Variants in BRWD1 observed in about 807,000 individuals in gnomAD.
The protein encoded by BRWD1 is bromodomain and WD repeat domain containing 1, also known as bromodomain and WD repeat-containing protein 1.
A neutral mutation model predicts 251.2 loss-of-function variants in BRWD1; 82 were observed. The observed-to-expected ratio is 0.33, with a 90% CI of 0.27 to 0.39. BRWD1 has a LOEUF of 0.39. Ranked by LOEUF, BRWD1 falls within the 10% of genes least tolerant of loss-of-function variation. The probability of loss-of-function intolerance (pLI) is 1.00; values close to 1 mark genes in which losing one functional copy is unlikely to be tolerated. For synonymous variants in BRWD1, 918 were observed against 902.8 expected, an observed-to-expected ratio of 1.02 and a Z score of -0.30; for missense variants, 2,233 against 2,711.6, an observed-to-expected ratio of 0.82 and a Z score of 3.92.
chr21:39,201,410 A>G (rs1000426653), intron 38 of BRWD1, among the ~76,000 whole-genome samples: 1 of 152,144 alleles, frequency 6.6e-6, no homozygotes, highest in African/African-American at 2.4e-5. Flanking sequence ...TCAATAAGGA[A>G]CCCAGTTCAG....
rs534642188 is a variant in BRWD1, at chr21:39,313,568, G to A, written c.-77C>T. On this transcript the variant is annotated 5_prime_UTR_variant, in exon 1 of 41. Transcript: ENST00000342449. ...GCCGCGCCGAGGCCTGACCGGGCTG[G>A]CGTCCCCTCTTCTCAGGCGCGCGCC... is the stretch of plus-strand genomic sequence containing the variant. 145 of 1,209,764 alleles carry A rather than the reference G, an allele frequency of 1.2e-4. 3 individuals are homozygous for A. The South Asian group carries it at 3.9e-3, about 32-fold the overall frequency. The allele number at this position is 1,209,764 out of a possible 1,614,324, so 74.9% of individuals were successfully genotyped here. A position where few individuals can be genotyped will look rare whatever the true frequency, so the allele number is the denominator to read the frequency against.
At chr21:39,311,665 G>A (rs1170933704) in intron 4 of BRWD1, among the ~76,000 whole-genome samples, 1 of 152,172 alleles carries the variant, frequency 6.6e-6, no homozygotes, top group African/African-American at 2.4e-5. Flanking sequence ...ATCTCAAAAT[G>A]TCAAACTCAA....
chr21:39,298,965 T>C (rs1479982889), intron 4 of BRWD1, among the ~76,000 whole-genome samples: 2 of 152,346 alleles, frequency 1.3e-5, no homozygotes, highest in African/African-American at 4.8e-5. Context: ...GACTCACACC[T>C]GTAATCTCAG....
intron 4 of BRWD1, among the ~76,000 whole-genome samples, chr21:39,300,729 A>C (rs1165067826): frequency 6.6e-6 from 1 of 152,200 alleles, no homozygotes; most frequent in Non-Finnish European, 1.5e-5. Context: ...TATATGACCC[A>C]TGGTCAAGAG....
At chr21:39,205,583 G>A (rs1342841785) in intron 37 of BRWD1, among the ~76,000 whole-genome samples, 1 of 151,640 alleles carries the variant, frequency 6.6e-6, no homozygotes, top group Non-Finnish European at 1.5e-5. Flanking sequence ...ACCAGCCTGG[G>A]CAACACGGTG....
At chr21:39,208,274 C>G (rs2032499966) in intron 36 of BRWD1, among the ~76,000 whole-genome samples, 1 of 151,760 alleles carries the variant, frequency 6.6e-6, no homozygotes, top group Non-Finnish European at 1.5e-5. Context: ...TTTATTTTGT[C>G]GCTGAAAAAA....
intron 4 of BRWD1, among the ~76,000 whole-genome samples, chr21:39,304,468 G>C (rs1166437599): frequency 1.3e-5 from 2 of 151,684 alleles, no homozygotes; most frequent in African/African-American, 4.8e-5. Flanking sequence ...TTTTTAATTA[G>C]CCGGCCATGA....
At chr21:39,293,347 G>A in intron 8 of BRWD1, among the ~76,000 whole-genome samples, 1 of 151,974 alleles carries the variant, frequency 6.6e-6, no homozygotes. Context: ...ACAAAAATTA[G>A]CCGGGTGTGG....
At chr21:39,245,023 G>A (rs2034135568) in intron 21 of BRWD1, among the ~76,000 whole-genome samples, 1 of 149,136 alleles carries the variant, frequency 6.7e-6, no homozygotes, top group African/African-American at 2.5e-5. Flanking sequence ...ATTATATCCT[G>A]GGGGACAGAG....
intron 38 of BRWD1, 165 bp from the exon 39 acceptor site, chr21:39,200,551 T>C (rs183416453): frequency 4.0e-4 from 217 of 536,350 alleles, no homozygotes; most frequent in African/African-American, 3.8e-3. Context: ...AAAAAGCTGA[T>C]GAAATTTGGA....
intron 8 of BRWD1, among the ~76,000 whole-genome samples, chr21:39,291,519 C>A (rs145521715): frequency 4.5e-4 from 69 of 152,302 alleles, no homozygotes; most frequent in African/African-American, 1.5e-3. Context: ...CCACTGACCA[C>A]CAGACATTTT....
At chr21:39,302,127 G>A (rs1228350839) in intron 4 of BRWD1, among the ~76,000 whole-genome samples, 7 of 151,654 alleles carry the variant, frequency 4.6e-5, no homozygotes, top group Admixed American at 4.6e-4. Flanking sequence ...GGGATTACAA[G>A]CACACGCCAC....
At chr21:39,207,588 A>G (rs963639674) in intron 36 of BRWD1, among the ~76,000 whole-genome samples, 3 of 152,116 alleles carry the variant, frequency 2.0e-5, no homozygotes, top group Non-Finnish European at 4.4e-5. Flanking sequence ...TATGGAAAAC[A>G]GTGTAGTGGT....
At position 39,196,119 on chromosome 21, in the gene BRWD1, A is replaced by T. The variant is rs745643845; in HGVS notation, c.*140T>A. 3 of 1,430,656 alleles carry T rather than the reference A, an allele frequency of 2.1e-6. No homozygotes were observed. The highest frequency in any genetic ancestry group is 2.7e-6 in the Non-Finnish European group (3 of 1,099,022). The allele number at this position is 1,430,656 out of a possible 1,614,324, so 88.6% of individuals were successfully genotyped here. ...AGTGCAAATAAAAATAACAGTCATG[A>T]TTTAGTCACATTCATAACTTTTCAT... On this transcript the variant is annotated 3_prime_UTR_variant, in exon 41 of 41. Transcript: ENST00000342449.
chr21:39,303,297 T>C (rs2036179580), intron 4 of BRWD1, among the ~76,000 whole-genome samples: 1 of 151,844 alleles, frequency 6.6e-6, no homozygotes, highest in African/African-American at 2.4e-5. Flanking sequence ...GACAGGTGGA[T>C]CACTAATGGT....
intron 4 of BRWD1, 50 bp downstream of exon 4, chr21:39,312,791 C>A: frequency 6.9e-7 from 1 of 1,458,632 alleles, no homozygotes; most frequent in Non-Finnish European, 9.4e-7. Context: ...GGGGCGGGGG[C>A]GGGGGGCGGT....
intron 37 of BRWD1, among the ~76,000 whole-genome samples, chr21:39,203,959 C>CTG (rs74196173): frequency 1 from 14 of 14 alleles, 7 homozygotes; most frequent in Non-Finnish European, 1. Context: ...TGAGACAAGC[C>CTG]GCCAAAATGG....
Position 39,191,245 on chromosome 21 carries a change from G to T in BRWD1, c.*5014C>A. 1.0e-6 allele frequency: 1 copy of T among 985,270 alleles called. No individual in the cohort carries two copies. The highest frequency in any genetic ancestry group is 1.2e-6 in the Non-Finnish European group (1 of 829,916). The allele number at this position is 985,270 out of a possible 1,614,324, so 61.0% of individuals were successfully genotyped here. ...CCAGCAGGGCTCCTGACTCGCTTCA[G>T]TTCCCCTATCCAAGCTCATATGTAA... On this transcript the variant is annotated 3_prime_UTR_variant, in exon 41 of 41. Transcript: ENST00000342449.
intron 21 of BRWD1, among the ~76,000 whole-genome samples, chr21:39,245,075 C>T (rs567325841): frequency 4.0e-5 from 6 of 151,380 alleles, no homozygotes; most frequent in African/African-American, 1.5e-4. Context: ...AAAACATTCT[C>T]ATTACATAAT....
Sources: allele counts gnomAD v4.1 joint callset (sites outside exome capture counted in the v4.1 genomes callset), GRCh38; gene constraint gnomAD v4.1.1; transcripts MANE v1.5; gene names NCBI Gene and HGNC (gene_info 2026-07-23, HGNC 2026-07-21).